Variants in GOLIM4 observed in about 807,000 individuals in gnomAD.
The protein encoded by GOLIM4 is golgi integral membrane protein 4.
Under a neutral mutation model 107.4 loss-of-function variants are expected in GOLIM4, and 71 were observed. The observed-to-expected ratio is 0.66, with a 90% confidence interval of 0.55 to 0.81. GOLIM4 has a LOEUF of 0.81. Among genes scored for constraint, GOLIM4 ranks in the 30% least tolerant of loss-of-function variants. GOLIM4 has a pLI of 0.00. For synonymous variants in GOLIM4, 327 were observed against 294.8 expected (o/e 1.11, Z -1.12); for missense variants, 830 against 826.1 (o/e 1.00, Z -0.06).
At chr3:168,090,181 A>G (rs1307783808) in intron 1 of GOLIM4, among the ~76,000 whole-genome samples, 2 of 152,308 alleles carry the variant, frequency 1.3e-5, no homozygotes, top group Non-Finnish European at 2.9e-5. Context: ...GAGGAGCCCA[A>G]TGCAAAAAAC....
chr3:168,086,716 G>A (rs929991080), intron 1 of GOLIM4, among the ~76,000 whole-genome samples: 12 of 152,194 alleles, frequency 7.9e-5, no homozygotes, highest in East Asian at 7.7e-4. Context: ...ATGTCCCTCC[G>A]GGCTATGAGC....
intron 8 of GOLIM4, among the ~76,000 whole-genome samples, chr3:168,034,521 G>A (rs1182770177): frequency 1.3e-5 from 2 of 152,198 alleles, no homozygotes; most frequent in African/African-American, 4.8e-5. Flanking sequence ...GAGTGAAGAG[G>A]CTCATATATG....
intron 1 of GOLIM4, among the ~76,000 whole-genome samples, chr3:168,060,881 G>A (rs551362354): frequency 3.1e-4 from 47 of 152,270 alleles, no homozygotes; most frequent in African/African-American, 1.1e-3. Context: ...CAGCAGGGAA[G>A]AATGAATGAG....
Position 168,024,556 on chromosome 3 carries a change from A to G in GOLIM4, c.1830T>C (p.Asp610=). 1 of 1,613,566 alleles carries G rather than the reference A, an allele frequency of 6.2e-7. No homozygotes were observed. The highest frequency in any genetic ancestry group is 8.5e-7 in the Non-Finnish European group (1 of 1,179,502). ...GNPDQQEDNV[D]EQYQEEAEEE... ...CTTCTGCCTCTTCCTGGTACTGTTC[A>G]TCAACATTGTCCTCCTGCTGGTCTG... Residue 610 remains aspartate (D), a synonymous_variant, in exon 14 of 16, where the codon GAT becomes GAC. Transcript: ENST00000470487.
intron 14 of GOLIM4, 112 bp from the exon 15 acceptor site, chr3:168,010,935 A>G: frequency 1.3e-6 from 1 of 796,942 alleles, no homozygotes; most frequent in Non-Finnish European, 2.1e-6. Context: ...TTTGATTTCC[A>G]AAAAGTTCAC....
At position 168,043,577 on chromosome 3, in the gene GOLIM4, T is replaced by C. The variant is rs771553013; in HGVS notation, c.367-48A>G. On this transcript the variant is annotated intron_variant, in intron 4 of 15. Coordinates refer to ENST00000470487, the MANE Select transcript of GOLIM4 (RefSeq NM_014498.5). The stretch of plus-strand genomic sequence containing the variant: ...AGAAATATACATTCTCTGAATTATA[T>C]GAGAGTCTATTTCTTGACAGCACAG... 3 of 1,484,982 alleles carry C rather than the reference T, an allele frequency of 2.0e-6. No homozygotes were observed. In the African/African-American group the frequency reaches 4.3e-5, roughly 21 times the overall value. 92.0% of individuals were successfully genotyped at this position (1,484,982 alleles called of 1,614,324 possible). A position where few individuals can be genotyped will look rare whatever the true frequency, so the allele number is the denominator to read the frequency against.
intron 12 of GOLIM4, 126 bp downstream of exon 12, chr3:168,027,602 T>C: frequency 1.5e-6 from 1 of 677,268 alleles, no homozygotes; most frequent in South Asian, 1.8e-5. Flanking sequence ...ATGCAAGCCA[T>C]TTTCCTTCTG....
chr3:168,033,451 CA>C (rs948347429), intron 8 of GOLIM4, among the ~76,000 whole-genome samples: 16 of 149,848 alleles, frequency 1.1e-4, no homozygotes, highest in Admixed American at 1.3e-4. Flanking sequence ...TAAAAAAACA[CA>C]AAAAATTAGC....
At position 168,032,699 on chromosome 3, in the gene GOLIM4, G is replaced by GCT; in HGVS notation, c.995_996dup (p.His333SerfsTer69). The GCT allele has an allele frequency of 6.2e-7, 1 of 1,614,006 alleles. No individual in the cohort carries two copies. ...TTTCTGTGCTCCTCTTCCACCTGAT[G>GCT]CTCCTCAGGTTCTCTGCGTTCCACT... On this transcript the variant is annotated frameshift_variant, in exon 9 of 16. Transcript: ENST00000470487. LOFTEE classifies it high-confidence loss of function.
chr3:168,048,312 C>G lies in GOLIM4; in HGVS notation c.241G>C (p.Glu81Gln), dbSNP rs1236933281. The stretch of plus-strand genomic sequence containing the variant: ...TTACCTTCCTTTGCTTTTTTATGTT[C>G]AAGTCTTTCTTTTTGCAAGGATTTC... ...LEKSLQKERLEHKKAKEDFLV... is the reference protein window; with the variant it reads ...LEKSLQKERLQHKKAKEDFLV... Residue 81 changes from glutamate to glutamine, a missense_variant, in exon 2 of 16, where the codon GAA becomes CAA. Glu to Gln is a conservative substitution (Grantham distance 29, BLOSUM62 2). Coordinates refer to ENST00000470487, the MANE Select transcript of GOLIM4 (RefSeq NM_014498.5). 1.3e-6 allele frequency: 2 copies of G among 1,517,786 alleles called. No individual in the cohort carries two copies. The highest frequency in any genetic ancestry group is 9.1e-7 in the Non-Finnish European group (1 of 1,101,710). 94.0% of individuals were successfully genotyped at this position (1,517,786 alleles called of 1,614,324 possible).
In GOLIM4 at chr3:168,009,422, G is replaced by T. The variant is rs1716857952; in HGVS notation, c.*847C>A. ...ACTGAAACAAGAATATCAATCAATG[G>T]CTTCAAACAAAAAAAAAAAAAAAAA... On this transcript the variant is annotated 3_prime_UTR_variant, in exon 16 of 16. Coordinates refer to ENST00000470487, the MANE Select transcript of GOLIM4 (RefSeq NM_014498.5). 1 of 7,052 alleles carries T rather than the reference G, an allele frequency of 1.4e-4. No homozygotes were observed. Among genetic ancestry groups the T allele is most frequent in the Non-Finnish European group, 6.8e-4 (1 of 1,462 alleles). 0.4% of individuals were successfully genotyped at this position (7,052 alleles called of 1,614,324 possible). A position where few individuals can be genotyped will look rare whatever the true frequency, so the allele number is the denominator to read the frequency against.
At chr3:168,075,895 C>T (rs1361930410) in intron 1 of GOLIM4, among the ~76,000 whole-genome samples, 1 of 152,140 alleles carries the variant, frequency 6.6e-6, no homozygotes, top group Non-Finnish European at 1.5e-5. Flanking sequence ...TGGTGATCTT[C>T]TAAAGGCCAA....
intron 9 of GOLIM4, 47 bp from the exon 10 acceptor site, chr3:168,030,083 TG>T: frequency 1.3e-6 from 2 of 1,581,882 alleles, no homozygotes; most frequent in East Asian, 2.3e-5. Flanking sequence ...TTAGCTCCTC[TG>T]GGTTTTCTCT....
In GOLIM4 at chr3:168,095,625, T is replaced by A; in HGVS notation, c.-340A>T. On this transcript the variant is annotated 5_prime_UTR_variant, in exon 1 of 16. In the 5' UTR this introduces an upstream ATG that the reference lacks. Transcript: ENST00000470487. ...TCCTGCCTTTTTTCCTTCTTCCCACTTTTTGGCCCCGCTGCCCCCGGGCAG... is the reference window on the plus strand; with the variant it reads ...TCCTGCCTTTTTTCCTTCTTCCCACATTTTGGCCCCGCTGCCCCCGGGCAG... 1 of 247,996 alleles carries A rather than the reference T, an allele frequency of 4.0e-6. No homozygotes were observed. The allele number at this position is 247,996 out of a possible 1,614,324, so 15.4% of individuals were successfully genotyped here.
At chr3:168,044,304 G>A (rs1016370113) in intron 4 of GOLIM4, among the ~76,000 whole-genome samples, 12 of 152,200 alleles carry the variant, frequency 7.9e-5, no homozygotes, top group African/African-American at 1.9e-4. Context: ...CATGCTGCCC[G>A]TCTCTTCCAG....
chr3:168,031,358 TGTTTGATGTGATGGGTTATCTAG>T (rs1718328148), intron 9 of GOLIM4, among the ~76,000 whole-genome samples: 3 of 152,174 alleles, frequency 2.0e-5, no homozygotes, highest in South Asian at 2.1e-4. Context: ...AAGAGATAAA[TGTTTGATGTGATGGGTTATCTAG>T]GTTTGATGTG....
chr3:168,088,525 T>C (rs1041340869), intron 1 of GOLIM4, among the ~76,000 whole-genome samples: 1 of 152,194 alleles, frequency 6.6e-6, no homozygotes, highest in Admixed American at 6.5e-5. Context: ...GAGAGGTTAT[T>C]TGCCTGCTCA....
intron 14 of GOLIM4, among the ~76,000 whole-genome samples, chr3:168,019,183 G>A (rs1717544629): frequency 6.6e-6 from 1 of 152,094 alleles, no homozygotes; most frequent in African/African-American, 2.4e-5. Flanking sequence ...AAGGTCAATT[G>A]TTTTTGTTAT....
chr3:168,038,714 T>G (rs1359474847), intron 7 of GOLIM4, among the ~76,000 whole-genome samples: 3 of 152,216 alleles, frequency 2.0e-5, no homozygotes, highest in Non-Finnish European at 4.4e-5. Context: ...GAAATGCAGG[T>G]GCCTGAAACA....
Sources: allele counts gnomAD v4.1 joint callset (sites outside exome capture counted in the v4.1 genomes callset), GRCh38; gene constraint gnomAD v4.1.1; transcripts MANE v1.5; gene names NCBI Gene and HGNC (gene_info 2026-07-23, HGNC 2026-07-21).